The following RORA variants were observed in gnomAD, a reference collection of about 807,000 sequenced individuals.
The protein encoded by RORA is RAR related orphan receptor A.
A neutral mutation model predicts 69.5 loss-of-function variants in RORA; 7 were observed. The observed-to-expected ratio is 0.10, with a 90% CI of 0.06 to 0.19. The LOEUF (loss-of-function observed/expected upper bound fraction) is 0.19, where lower values mean the gene tolerates loss of function less well. RORA is among the 10% of genes least tolerant of loss of function. RORA has a pLI of 1.00. For synonymous variants in RORA, 261 were observed against 240.8 expected, an observed-to-expected ratio of 1.08 and a Z score of -0.78; for missense variants, 457 against 663.0, an observed-to-expected ratio of 0.69 and a Z score of 3.41.
At chr15:61,203,531 A>C (rs2079913316) in intron 1 of RORA, among the ~76,000 whole-genome samples, 1 of 152,240 alleles carries the variant, frequency 6.6e-6, no homozygotes, top group Non-Finnish European at 1.5e-5. Context: ...AACTGCCTGA[A>C]ACATGAGACA....
chr15:60,489,808 A>C lies in RORA; in HGVS notation c.*7647T>G, dbSNP rs1429333930. On this transcript the variant is annotated 3_prime_UTR_variant, in exon 11 of 11. Coordinates refer to ENST00000335670, the MANE Select transcript of RORA (RefSeq NM_134261.3). ...CCATTATCTATAATAGGAGCTAAGA[A>C]TACAACTGTGTTAGGTGCCAGTAAT... 3 of 152,198 alleles carry C rather than the reference A, an allele frequency of 2.0e-5. No individual in the cohort carries two copies. The highest frequency in any genetic ancestry group is 7.2e-5 in the African/African-American group (3 of 41,448). 9.4% of individuals were successfully genotyped at this position (152,198 alleles called of 1,614,324 possible). A position where few individuals can be genotyped will look rare whatever the true frequency, so the allele number is the denominator to read the frequency against.
chr15:61,012,940 G>A (rs929906573), intron 1 of RORA, among the ~76,000 whole-genome samples: 5 of 152,140 alleles, frequency 3.3e-5, no homozygotes, highest in African/African-American at 7.2e-5. Context: ...GTGAGCCACC[G>A]CGCTCCCAGC....
intron 1 of RORA, among the ~76,000 whole-genome samples, chr15:60,939,425 G>C (rs1277792449): frequency 1.3e-5 from 2 of 152,102 alleles, no homozygotes; most frequent in Non-Finnish European, 2.9e-5. Context: ...CTTCTGACTG[G>C]AGCACAGCAG....
chr15:61,109,277 T>A (rs761569442), intron 1 of RORA, among the ~76,000 whole-genome samples: 3 of 152,182 alleles, frequency 2.0e-5, no homozygotes, highest in Non-Finnish European at 4.4e-5. Flanking sequence ...AGATGTAAGA[T>A]ACACAAGGGT....
rs564148628 is a variant in RORA, at chr15:60,639,903, C to A, written c.196+38754G>T. On this transcript the variant is annotated intron_variant, in intron 2 of 10. Coordinates refer to ENST00000335670, the MANE Select transcript of RORA (RefSeq NM_134261.3). ...AATGTCATAAAGCATCAATAATTTG[C>A]AAGAAAAGGGTAGAAGGAGCCCTAC... is the stretch of plus-strand genomic sequence containing the variant. Among the ~76,000 whole-genome samples, 43 of 152,260 alleles carry A rather than the reference C, an allele frequency of 2.8e-4. No individual in the cohort carries two copies. The South Asian group carries it at 8.5e-3, about 30-fold the overall frequency.
chr15:61,099,779 G>C (rs558658038), intron 1 of RORA, among the ~76,000 whole-genome samples: 4 of 152,258 alleles, frequency 2.6e-5, no homozygotes, highest in Admixed American at 1.3e-4. Context: ...GAAGTTAATG[G>C]GCCAGAACTG....
chr15:60,854,209 C>T (rs1217176267), intron 1 of RORA, among the ~76,000 whole-genome samples: 1 of 152,024 alleles, frequency 6.6e-6, no homozygotes, highest in Non-Finnish European at 1.5e-5. Context: ...TTGCAGTGAG[C>T]CAAGATTGCA....
At chr15:60,740,947 T>C (rs1443413812) in intron 1 of RORA, among the ~76,000 whole-genome samples, 2 of 152,210 alleles carry the variant, frequency 1.3e-5, no homozygotes, top group Non-Finnish European at 2.9e-5. Context: ...TGGCACTTTT[T>C]GAGGCTGTGC....
rs202016539 is a variant in RORA, at chr15:60,595,152, T to C, written c.197-63301A>G. Among the ~76,000 whole-genome samples, 10 of 148,008 alleles carry C rather than the reference T, an allele frequency of 6.8e-5. No homozygotes were observed. The East Asian group carries it at 1.9e-3, about 29-fold the overall frequency. ...ATATTGAAGGGACATCTCCCTTCAA[T>C]AATACCAAATTGGAGCCATAAATGA... On this transcript the variant is annotated intron_variant, in intron 2 of 10. Coordinates refer to ENST00000335670, the MANE Select transcript of RORA (RefSeq NM_134261.3).
chr15:60,792,008 A>G (rs2072424560), intron 1 of RORA, among the ~76,000 whole-genome samples: 2 of 152,214 alleles, frequency 1.3e-5, no homozygotes, highest in Admixed American at 1.3e-4. Context: ...GCTGATAAGT[A>G]CTTTAAAGAA....
chr15:61,163,456 G>A (rs894680716), intron 1 of RORA, among the ~76,000 whole-genome samples: 1 of 152,164 alleles, frequency 6.6e-6, no homozygotes, highest in Admixed American at 6.5e-5. Context: ...ACATGTATAA[G>A]GTTCTGGAAT....
chr15:61,140,531 G>A (rs1428059626), intron 1 of RORA, among the ~76,000 whole-genome samples: 1 of 152,158 alleles, frequency 6.6e-6, no homozygotes, highest in Non-Finnish European at 1.5e-5. Context: ...CCGATCCAGA[G>A]CAATGGAACC....
chr15:60,947,597 T>A (rs1278532130), intron 1 of RORA, among the ~76,000 whole-genome samples: 1 of 149,944 alleles, frequency 6.7e-6, no homozygotes, highest in African/African-American at 2.5e-5. Context: ...CAGAGATCTT[T>A]GTTCACTTGT....
At chr15:61,113,484 A>C (rs2079024876) in intron 1 of RORA, among the ~76,000 whole-genome samples, 1 of 152,200 alleles carries the variant, frequency 6.6e-6, no homozygotes, top group Non-Finnish European at 1.5e-5. Flanking sequence ...ATATGGTGGG[A>C]AATGACAAAG....
chr15:61,095,257 T>C (rs191237627), intron 1 of RORA, among the ~76,000 whole-genome samples: 4 of 152,300 alleles, frequency 2.6e-5, no homozygotes, highest in African/African-American at 9.6e-5. Context: ...CTGAAGGGTA[T>C]ATGCCGAGAT....
chr15:60,614,625 G>A (rs753208686), intron 2 of RORA, among the ~76,000 whole-genome samples: 8 of 152,152 alleles, frequency 5.3e-5, no homozygotes, highest in Non-Finnish European at 8.8e-5. Context: ...GACCCTTTGT[G>A]GGGAGGGGGC....
Position 61,137,293 on chromosome 15 carries a change from T to C in RORA, c.166+91760A>G, listed in dbSNP as rs7183364. ...CATCATTCACTCCCTCTGTAGCTCA[T>C]ACAATACAGACAATATCAGCAACAG... On this transcript the variant is annotated intron_variant, in intron 1 of 10. Coordinates refer to ENST00000335670, the MANE Select transcript of RORA (RefSeq NM_134261.3). 3.8e-3 allele frequency among the ~76,000 whole-genome samples: 582 copies of C among 152,332 alleles called. 3 individuals are homozygous for C. Among genetic ancestry groups the C allele is most frequent in the African/African-American group, 0.013 (561 of 41,594 alleles).
intron 1 of RORA, among the ~76,000 whole-genome samples, chr15:60,918,324 C>T (rs910537755): frequency 6.6e-6 from 1 of 152,242 alleles, no homozygotes; most frequent in Admixed American, 6.5e-5. Context: ...CAACAATCTT[C>T]TTCCCTCTTC....
At chr15:61,027,139 G>A (rs748740384) in intron 1 of RORA, among the ~76,000 whole-genome samples, 4 of 152,206 alleles carry the variant, frequency 2.6e-5, no homozygotes, top group African/African-American at 7.2e-5. Flanking sequence ...GCCCAGTGTG[G>A]GCGAGGGTCC....
Sources: allele counts gnomAD v4.1 joint callset (sites outside exome capture counted in the v4.1 genomes callset), GRCh38; gene constraint gnomAD v4.1.1; transcripts MANE v1.5; gene names NCBI Gene and HGNC (gene_info 2026-07-23, HGNC 2026-07-21).